Variants in DNAJC5B observed in about 807,000 individuals in gnomAD.
The protein encoded by DNAJC5B is dnaJ homolog subfamily C member 5B.
DNAJC5B carries 23 observed loss-of-function variants against 24.7 expected under a neutral mutation model. That is an observed-to-expected ratio of 0.93 (90% CI 0.67 to 1.32). The LOEUF (loss-of-function observed/expected upper bound fraction) is 1.32, where lower values mean the gene tolerates loss of function less well. Ranked by LOEUF, DNAJC5B falls within the 40% of genes most tolerant of loss-of-function variation. DNAJC5B has a pLI of 0.00. For synonymous variants in DNAJC5B, 101 were observed against 90.1 expected (o/e 1.12, Z -0.68); for missense variants, 238 against 240.8 (o/e 0.99, Z 0.08).
upstream of DNAJC5B, among the ~76,000 whole-genome samples, chr8:66,019,144 G>A (rs11988360): frequency 0.47 from 71,392 of 152,098 alleles, 21,536 homozygotes; most frequent in African/African-American, 0.86. Flanking sequence ...AACACAAGGA[G>A]AGATGTCATT....
chr8:66,066,963 G>A (rs1807229759), intron 3 of DNAJC5B, among the ~76,000 whole-genome samples: 1 of 151,828 alleles, frequency 6.6e-6, no homozygotes, highest in Non-Finnish European at 1.5e-5. Flanking sequence ...CTGCAGTGAA[G>A]AAATTTTTAA....
chr8:66,033,189 G>C (rs1485893503), intron 1 of DNAJC5B, among the ~76,000 whole-genome samples: 1 of 152,252 alleles, frequency 6.6e-6, no homozygotes. Context: ...TTGCAGGAAG[G>C]CACGCAGGCT....
intron 3 of DNAJC5B, among the ~76,000 whole-genome samples, chr8:66,070,491 C>A (rs1586099059): frequency 6.6e-6 from 1 of 152,296 alleles, no homozygotes; most frequent in Middle Eastern, 3.4e-3. Context: ...AGGAATCCAA[C>A]TTGAAGGGAT....
intron 1 of DNAJC5B, among the ~76,000 whole-genome samples, chr8:66,026,709 C>T (rs185019278): frequency 7.9e-5 from 12 of 152,368 alleles, no homozygotes; most frequent in African/African-American, 2.2e-4. Context: ...AGCCAAGGGG[C>T]GTTGGTGCCA....
At chr8:66,044,592 G>T (rs556431287) in intron 2 of DNAJC5B, among the ~76,000 whole-genome samples, 1 of 152,160 alleles carries the variant, frequency 6.6e-6, no homozygotes, top group African/African-American at 2.4e-5. Context: ...TGTCATTGGG[G>T]GGTTGTACCT....
chr8:66,099,516 T>C (rs1169505850), intron 5 of DNAJC5B, among the ~76,000 whole-genome samples: 1 of 152,246 alleles, frequency 6.6e-6, no homozygotes, highest in East Asian at 1.9e-4. Flanking sequence ...CACTACATAA[T>C]GCCAGGGTGC....
chr8:66,097,765 A>C (rs192749156), intron 5 of DNAJC5B, among the ~76,000 whole-genome samples: 8 of 152,294 alleles, frequency 5.3e-5, no homozygotes, highest in Non-Finnish European at 1.0e-4. Context: ...TAGTTTCAAT[A>C]TGTTTTAGCT....
intron 1 of DNAJC5B, among the ~76,000 whole-genome samples, chr8:66,022,436 C>A (rs925199190): frequency 6.6e-6 from 1 of 152,178 alleles, no homozygotes; most frequent in Non-Finnish European, 1.5e-5. Context: ...TCTTAGCACA[C>A]TGCGACCCCG....
At chr8:66,030,714 G>A (rs929132593) in intron 1 of DNAJC5B, among the ~76,000 whole-genome samples, 2 of 152,014 alleles carry the variant, frequency 1.3e-5, no homozygotes, top group African/African-American at 4.8e-5. Context: ...TCAGCTCACT[G>A]CAACCTCTGC....
chr8:66,064,588 C>T (rs1807150099), intron 3 of DNAJC5B, among the ~76,000 whole-genome samples: 1 of 152,186 alleles, frequency 6.6e-6, no homozygotes, highest in South Asian at 2.1e-4. Context: ...AAATTTTCCC[C>T]CAGGAAACAT....
At chr8:66,051,505 C>T in intron 2 of DNAJC5B, 26 bp from the exon 3 acceptor site, 2 of 1,422,606 alleles carry the variant, frequency 1.4e-6, no homozygotes, top group Non-Finnish European at 9.9e-7. Flanking sequence ...TGTGCATAAC[C>T]TTCATGGCTA....
intron 3 of DNAJC5B, among the ~76,000 whole-genome samples, chr8:66,059,661 T>A (rs543450366): frequency 6.6e-6 from 1 of 152,318 alleles, no homozygotes. Flanking sequence ...CCGTCCTTCT[T>A]CTAGGGGTCT....
intron 1 of DNAJC5B, among the ~76,000 whole-genome samples, chr8:66,022,667 T>C (rs17398234): frequency 2.0e-5 from 3 of 152,128 alleles, no homozygotes; most frequent in African/African-American, 7.2e-5. Context: ...ACATCACGAA[T>C]AAATATATCA....
At chr8:66,026,550 G>A (rs536724431) in intron 1 of DNAJC5B, among the ~76,000 whole-genome samples, 6 of 152,370 alleles carry the variant, frequency 3.9e-5, no homozygotes, top group South Asian at 4.1e-4. Flanking sequence ...CCCCTGAGGC[G>A]CCTTGGCAGG....
At chr8:66,060,835 C>T (rs1470364531) in intron 3 of DNAJC5B, among the ~76,000 whole-genome samples, 5 of 152,242 alleles carry the variant, frequency 3.3e-5, no homozygotes, top group South Asian at 2.1e-4. Context: ...TATTGAGCAC[C>T]GCCTCTGTGT....
At chr8:66,037,377 G>A (rs180926539) in intron 1 of DNAJC5B, among the ~76,000 whole-genome samples, 2 of 152,270 alleles carry the variant, frequency 1.3e-5, no homozygotes, top group Non-Finnish European at 2.9e-5. Context: ...GGGTGCTGGG[G>A]GCTCTGTGAA....
At chr8:66,058,328 C>T (rs887482886) in intron 3 of DNAJC5B, among the ~76,000 whole-genome samples, 2 of 152,112 alleles carry the variant, frequency 1.3e-5, no homozygotes, top group Non-Finnish European at 2.9e-5. Flanking sequence ...GAGGGAAACC[C>T]TGTAGTCCAG....
At chr8:66,079,739 T>C (rs1807549970) in intron 4 of DNAJC5B, among the ~76,000 whole-genome samples, 1 of 152,166 alleles carries the variant, frequency 6.6e-6, no homozygotes, top group Non-Finnish European at 1.5e-5. Flanking sequence ...CTATCAGCAA[T>C]GCGCAGCATG....
chr8:66,042,563 A>G (rs1002898309), intron 1 of DNAJC5B, among the ~76,000 whole-genome samples: 13 of 151,932 alleles, frequency 8.6e-5, no homozygotes, highest in African/African-American at 3.1e-4. Context: ...TGGGTATTTC[A>G]TTCTAAATTT....
Sources: allele counts gnomAD v4.1 joint callset (sites outside exome capture counted in the v4.1 genomes callset), GRCh38; gene constraint gnomAD v4.1.1; transcripts MANE v1.5; gene names NCBI Gene and HGNC (gene_info 2026-07-23, HGNC 2026-07-21).